The following VPS39 variants were observed in gnomAD, a reference collection of about 807,000 sequenced individuals.
The protein encoded by VPS39 is vam6/Vps39-like protein.
A neutral mutation model predicts 121.0 loss-of-function variants in VPS39; 70 were observed. That is an observed-to-expected ratio of 0.58 (90% CI 0.48 to 0.71). VPS39 has a LOEUF of 0.71. Ranked by LOEUF, VPS39 falls within the 30% of genes least tolerant of loss-of-function variation. The probability of loss-of-function intolerance (pLI) is 0.00; values close to 1 mark genes in which losing one functional copy is unlikely to be tolerated. For missense variants in VPS39, 818 were observed against 1,051.5 expected (o/e 0.78, Z 3.07); for synonymous variants, 378 against 398.1 (o/e 0.95, Z 0.60).
chr15:42,192,271 G>A (rs1703750), intron 2 of VPS39, among the ~76,000 whole-genome samples: 16 of 152,034 alleles, frequency 1.1e-4, no homozygotes, highest in East Asian at 1.9e-4. Context: ...TACTGGGTTC[G>A]GGGTTTAAAA....
At position 42,160,407 on chromosome 15, in the gene VPS39, G is replaced by T; in HGVS notation, c.*347C>A. On this transcript the variant is annotated 3_prime_UTR_variant, in exon 25 of 25. Transcript: ENST00000318006. ...TGTACTTAATAGAAAAGCCCTTGAT[G>T]AACAACCCCATGGTTACAAACACTT... The T allele has an allele frequency of 3.4e-6, 1 of 290,892 alleles. No homozygotes were observed. The highest frequency in any genetic ancestry group is 5.0e-5 in the South Asian group (1 of 20,132). The allele number at this position is 290,892 out of a possible 1,614,324, so 18.0% of individuals were successfully genotyped here.
At chr15:42,199,647 C>A (rs1229974717) in intron 2 of VPS39, 4 of 502,854 alleles carry the variant, frequency 8.0e-6, no homozygotes, top group Non-Finnish European at 1.4e-5. Flanking sequence ...TTCTTAGAGA[C>A]TCACTACCAG....
At chr15:42,168,375 G>C (rs2049285475) in intron 12 of VPS39, among the ~76,000 whole-genome samples, 1 of 152,070 alleles carries the variant, frequency 6.6e-6, no homozygotes, top group South Asian at 2.1e-4. Flanking sequence ...TGTAGGCAGT[G>C]GCAAGTTTGT....
intron 16 of VPS39, 94 bp downstream of exon 16, chr15:42,166,065 G>T (rs2049236764): frequency 2.4e-6 from 3 of 1,269,610 alleles, no homozygotes; most frequent in Non-Finnish European, 3.4e-6. Flanking sequence ...GAAGACAGAT[G>T]CATGAATCCA....
At chr15:42,163,240 G>T in intron 21 of VPS39, 110 bp downstream of exon 21, 1 of 1,318,884 alleles carries the variant, frequency 7.6e-7, no homozygotes. Context: ...ATCAATCAGA[G>T]CCCTGACTCG....
Position 42,191,488 on chromosome 15 carries a change from C to G in VPS39, c.204+8G>C. The G allele has an allele frequency of 6.2e-7, 1 of 1,613,804 alleles. No homozygotes were observed. The highest frequency in any genetic ancestry group is 1.1e-5 in the South Asian group (1 of 91,058). On this transcript the variant is annotated splice_region_variant and intron_variant, in intron 3 of 24. Coordinates refer to ENST00000318006, the MANE Select transcript of VPS39 (RefSeq NM_015289.5). ...AATATTCTTGTAAGGACTGCCATCA[C>G]TGCTTACCTGCTGAATCTTTTTGGA...
Position 42,208,241 on chromosome 15 carries a change from A to G in VPS39, c.-88T>C. ...CGGAACGAGTCTGGGCTAAGGGTAG[A>G]CCGGGATCCGGCCAGGAACCCCCCG... is the stretch of plus-strand genomic sequence containing the variant. On this transcript the variant is annotated 5_prime_UTR_variant, in exon 1 of 25. Coordinates refer to ENST00000318006, the MANE Select transcript of VPS39 (RefSeq NM_015289.5). 6.6e-7 allele frequency: 1 copy of G among 1,504,836 alleles called. No homozygotes were observed. The highest frequency in any genetic ancestry group is 1.2e-5 in the South Asian group (1 of 82,288). 93.2% of individuals were successfully genotyped at this position (1,504,836 alleles called of 1,614,324 possible).
Position 42,189,476 on chromosome 15 carries a change from C to T in VPS39, c.248-268G>A, listed in dbSNP as rs572634743. ...CGGCATGGTGGCTCACACCTGTCAT[C>T]CCAGCACTTTGGGAGGCTGAGACAG... On this transcript the variant is annotated intron_variant, in intron 4 of 24. Coordinates refer to ENST00000318006, the MANE Select transcript of VPS39 (RefSeq NM_015289.5). 3.9e-5 allele frequency among the ~76,000 whole-genome samples: 6 copies of T among 152,212 alleles called. No individual in the cohort carries two copies. In the South Asian group the frequency reaches 1.2e-3, roughly 32 times the overall value.
chr15:42,187,630 G>T, intron 6 of VPS39, 128 bp downstream of exon 6: 1 of 846,276 alleles, frequency 1.2e-6, no homozygotes, highest in Non-Finnish European at 2.0e-6. Flanking sequence ...GCATCAACAA[G>T]CTCTCATGCA....
At chr15:42,205,927 A>C (rs987871401) in intron 1 of VPS39, among the ~76,000 whole-genome samples, 12 of 152,202 alleles carry the variant, frequency 7.9e-5, no homozygotes, top group African/African-American at 2.9e-4. Flanking sequence ...GAAAGAAGTC[A>C]AGAACGATTC....
intron 15 of VPS39, 109 bp downstream of exon 15, chr15:42,166,454 G>T: frequency 7.7e-7 from 1 of 1,299,574 alleles, no homozygotes; most frequent in Non-Finnish European, 1.1e-6. Context: ...GAAATTGAGT[G>T]AACACGAGCA....
At chr15:42,203,227 G>A (rs527291668) in intron 1 of VPS39, among the ~76,000 whole-genome samples, 1 of 151,972 alleles carries the variant, frequency 6.6e-6, no homozygotes, top group East Asian at 1.9e-4. Flanking sequence ...CCAGCACTTT[G>A]GAAGGCCAAG....
At chr15:42,189,259 A>G (rs776109008) in intron 4 of VPS39, 51 bp from the exon 5 acceptor site, 16 of 1,489,550 alleles carry the variant, frequency 1.1e-5, no homozygotes, top group Non-Finnish European at 1.5e-5. Context: ...ATTCTCTAGC[A>G]TAGCCACTAT....
At chr15:42,199,023 C>T (rs991733857) in intron 2 of VPS39, among the ~76,000 whole-genome samples, 44 of 152,266 alleles carry the variant, frequency 2.9e-4, no homozygotes, top group African/African-American at 9.4e-4. Flanking sequence ...CCCAGTGTTA[C>T]CCTTGCTCCA....
At chr15:42,194,202 C>T (rs1425509403) in intron 2 of VPS39, among the ~76,000 whole-genome samples, 8 of 152,006 alleles carry the variant, frequency 5.3e-5, no homozygotes, top group African/African-American at 1.7e-4. Context: ...TGGTGGTTCA[C>T]GCCTGTAATC....
chr15:42,193,008 G>C (rs571618597), intron 2 of VPS39, among the ~76,000 whole-genome samples: 1 of 152,076 alleles, frequency 6.6e-6, no homozygotes, highest in South Asian at 2.1e-4. Context: ...TTGAACTCTC[G>C]ACCTCAGGTG....
At chr15:42,191,977 C>T in intron 2 of VPS39, 1 of 1,448,266 alleles carries the variant, frequency 6.9e-7, no homozygotes, top group South Asian at 1.2e-5. Flanking sequence ...TTTCCAGCAA[C>T]TATTCTAACT....
Position 42,165,039 on chromosome 15 carries a change from C to T in VPS39, c.1854G>A (p.Lys618=). The T allele has an allele frequency of 6.2e-7, 1 of 1,614,242 alleles. No individual in the cohort carries two copies. Residue 618 remains lysine, a synonymous_variant, in exon 18 of 25, where the codon AAG becomes AAA. Coordinates refer to ENST00000318006, the MANE Select transcript of VPS39 (RefSeq NM_015289.5). ...GATACTCCTTCATCAGACCTTGCAC[C>T]TTCTCACAGTATAGCTGGATCAGGC... ...HNCLIQLYCE[K]VQGLMKEYLL... is the part of the protein sequence containing the mutation.
intron 11 of VPS39, among the ~76,000 whole-genome samples, chr15:42,170,835 G>A (rs2049334510): frequency 7.7e-6 from 1 of 129,732 alleles, no homozygotes; most frequent in African/African-American, 2.8e-5. Flanking sequence ...TGGCTCAAGT[G>A]ATCCTCCTGC....
Sources: allele counts gnomAD v4.1 joint callset (sites outside exome capture counted in the v4.1 genomes callset), GRCh38; gene constraint gnomAD v4.1.1; transcripts MANE v1.5; gene names NCBI Gene and HGNC (gene_info 2026-07-23, HGNC 2026-07-21).